Variants in SPMIP2 observed in about 807,000 individuals in gnomAD.
The protein encoded by SPMIP2 is sperm microtubule inner protein 2, also known as protein SPMIP2.
At chr4:159,048,996 T>C in the SPMIP2 span, among the ~76,000 whole-genome samples, 1 of 152,128 alleles carries the variant, frequency 6.6e-6, no homozygotes, top group Non-Finnish European at 1.5e-5. Context: ...ACTTAAAATA[T>C]AGATGTCAAA....
chr4:158,966,727 G>T, the SPMIP2 span, among the ~76,000 whole-genome samples: 1 of 152,178 alleles, frequency 6.6e-6, no homozygotes, highest in South Asian at 2.1e-4. Flanking sequence ...CTACCACAAT[G>T]TATTTTTAGC....
chr4:159,065,757 G>C, the SPMIP2 span, among the ~76,000 whole-genome samples: 1 of 152,198 alleles, frequency 6.6e-6, no homozygotes, highest in East Asian at 1.9e-4. Flanking sequence ...CTTCAAAGTA[G>C]AGAGAAGTCA....
the SPMIP2 span, chr4:158,904,711 G>GT: frequency 1.6e-6 from 1 of 616,566 alleles, no homozygotes; most frequent in Non-Finnish European, 2.9e-6. Context: ...CTTCATTGAA[G>GT]ACTTAGGTTT....
At chr4:159,072,049 A>T in the SPMIP2 span, among the ~76,000 whole-genome samples, 22 of 152,362 alleles carry the variant, frequency 1.4e-4, no homozygotes, top group African/African-American at 5.3e-4. Flanking sequence ...TCTGTGGCTC[A>T]CCCCTGTAGT....
At chr4:159,053,996 T>A in the SPMIP2 span, among the ~76,000 whole-genome samples, 1 of 151,900 alleles carries the variant, frequency 6.6e-6, no homozygotes, top group East Asian at 1.9e-4. Flanking sequence ...TTTAAAGAGA[T>A]GGAATCTTGT....
chr4:158,986,078 G>A, the SPMIP2 span, among the ~76,000 whole-genome samples: 35 of 150,744 alleles, frequency 2.3e-4, no homozygotes, highest in African/African-American at 8.3e-4. Flanking sequence ...AACTTACAAG[G>A]GATGTGAAGG....
At chr4:159,046,141 G>A in the SPMIP2 span, among the ~76,000 whole-genome samples, 13 of 151,724 alleles carry the variant, frequency 8.6e-5, no homozygotes, top group Non-Finnish European at 1.9e-4. Flanking sequence ...GAGGCAGGAT[G>A]ATCACTTGAA....
chr4:158,896,048 C>G, the SPMIP2 span, among the ~76,000 whole-genome samples: 2 of 152,196 alleles, frequency 1.3e-5, no homozygotes, highest in African/African-American at 4.8e-5. Context: ...TTATCTGATA[C>G]TGGGTTTCAC....
At chr4:159,012,706 G>A in the SPMIP2 span, among the ~76,000 whole-genome samples, 3 of 151,910 alleles carry the variant, frequency 2.0e-5, no homozygotes, top group African/African-American at 7.3e-5. Context: ...CGAGTAGCTG[G>A]GACTACAGGC....
chr4:158,966,588 A>G, the SPMIP2 span, among the ~76,000 whole-genome samples: 1 of 152,204 alleles, frequency 6.6e-6, no homozygotes, highest in Non-Finnish European at 1.5e-5. Flanking sequence ...TCATCAAATA[A>G]CATTTGTTGA....
chr4:159,004,561 G>A, the SPMIP2 span, among the ~76,000 whole-genome samples: 2 of 152,074 alleles, frequency 1.3e-5, no homozygotes, highest in African/African-American at 2.4e-5. Flanking sequence ...AAAGTGCTGG[G>A]ATTACAGACA....
At chr4:158,964,365 T>TG in the SPMIP2 span, among the ~76,000 whole-genome samples, 80,596 of 151,736 alleles carry the variant, frequency 0.53, 22,570 homozygotes, top group South Asian at 0.64. Flanking sequence ...CTCAGATGAC[T>TG]TCACAGCCGT....
chr4:158,937,068 A>G, the SPMIP2 span, among the ~76,000 whole-genome samples: 1 of 152,342 alleles, frequency 6.6e-6, no homozygotes, highest in African/African-American at 2.4e-5. Flanking sequence ...TCCGTTTTAG[A>G]CGTATCATCA....
chr4:159,030,755 C>T, the SPMIP2 span, among the ~76,000 whole-genome samples: 21 of 152,088 alleles, frequency 1.4e-4, no homozygotes, highest in African/African-American at 5.1e-4. Flanking sequence ...CCTCGGCCTC[C>T]CAGGTGCTGG....
the SPMIP2 span, among the ~76,000 whole-genome samples, chr4:159,015,749 C>A: frequency 6.6e-6 from 1 of 152,136 alleles, no homozygotes; most frequent in Non-Finnish European, 1.5e-5. Flanking sequence ...AATATATATT[C>A]AAATGCTGAC....
the SPMIP2 span, chr4:158,960,249 C>A: frequency 8.2e-7 from 1 of 1,217,190 alleles, no homozygotes; most frequent in South Asian, 1.3e-5. Flanking sequence ...AGGAAAGAAA[C>A]ACAGTAATTA....
the SPMIP2 span, among the ~76,000 whole-genome samples, chr4:158,901,128 A>ATTTTTTTTTTTTT: frequency 8.9e-6 from 1 of 112,302 alleles, no homozygotes; most frequent in Non-Finnish European, 1.7e-5. Flanking sequence ...CTGGGTTGAA[A>ATTTTTTTTTTTTT]TTTTTTTTTT....
At chr4:159,012,055 CAAAAAA>C in the SPMIP2 span, among the ~76,000 whole-genome samples, 1 of 137,550 alleles carries the variant, frequency 7.3e-6, no homozygotes. Context: ...GACTCTGTCT[CAAAAAA>C]AAAAAAAAAA....
chr4:159,065,136 T>C, the SPMIP2 span, among the ~76,000 whole-genome samples: 1 of 152,366 alleles, frequency 6.6e-6, no homozygotes, highest in East Asian at 1.9e-4. Flanking sequence ...TGAAAGACCC[T>C]TGAGCAAAGA....
Sources: allele counts gnomAD v4.1 joint callset (sites outside exome capture counted in the v4.1 genomes callset), GRCh38; gene constraint gnomAD v4.1.1; transcripts MANE v1.5; gene names NCBI Gene and HGNC (gene_info 2026-07-23, HGNC 2026-07-21).